Variants in PHLDB2 observed in about 807,000 individuals in gnomAD.
PHLDB2 encodes the protein pleckstrin homology-like domain family B member 2.
In PHLDB2, 71 loss-of-function variants were observed where a neutral mutation model predicts 123.6. The observed-to-expected ratio is 0.57, with a 90% CI of 0.47 to 0.70. The LOEUF (loss-of-function observed/expected upper bound fraction) is 0.70. Ranked by LOEUF, PHLDB2 falls within the 30% of genes least tolerant of loss-of-function variation. PHLDB2 has a pLI of 0.00. For synonymous variants in PHLDB2, 547 were observed against 541.6 expected (o/e 1.01, Z -0.14); for missense variants, 1,446 against 1,519.5 (o/e 0.95, Z 0.80).
chr3:111,837,186 G>A (rs114967053), intron 1 of PHLDB2, among the ~76,000 whole-genome samples: 1,772 of 152,270 alleles, frequency 0.012, 23 homozygotes, highest in Non-Finnish European at 0.013. Flanking sequence ...CATAGAGTAA[G>A]AAATCAGTGC....
At chr3:111,918,902 A>C (rs1267483685) in intron 3 of PHLDB2, among the ~76,000 whole-genome samples, 170 bp from the exon 4 acceptor site, 3 of 152,240 alleles carry the variant, frequency 2.0e-5, no homozygotes, top group African/African-American at 7.2e-5. Flanking sequence ...GGATGGCATC[A>C]TGTGGGAAAA....
chr3:111,732,760 ATACAGCCTCGT>A (rs1278181391), intron 1 of PHLDB2: 2 of 1,393,034 alleles, frequency 1.4e-6, no homozygotes, highest in Non-Finnish European at 9.8e-7. Flanking sequence ...TGAGCAGCAT[ATACAGCCTCGT>A]CACCAGAGTG....
chr3:111,788,687 C>T (rs1246411477), intron 1 of PHLDB2, among the ~76,000 whole-genome samples: 1 of 152,224 alleles, frequency 6.6e-6, no homozygotes, highest in Non-Finnish European at 1.5e-5. Context: ...AGGCCCAGGA[C>T]AGCTTTGAAA....
intron 1 of PHLDB2, among the ~76,000 whole-genome samples, chr3:111,733,764 T>C (rs1397247188): frequency 6.6e-6 from 1 of 152,370 alleles, no homozygotes. Context: ...TCTAATATGA[T>C]TCACTCTTCC....
chr3:111,903,443 G>A (rs1430126975), intron 2 of PHLDB2, among the ~76,000 whole-genome samples: 1 of 152,196 alleles, frequency 6.6e-6, no homozygotes, highest in African/African-American at 2.4e-5. Flanking sequence ...AGGGGCAGAG[G>A]CAGGTGGACC....
Position 111,757,087 on chromosome 3 carries a change from T to TC in PHLDB2, c.-49+24386dup, listed in dbSNP as rs541650753. On this transcript the variant is annotated intron_variant, in intron 1 of 17. Transcript: ENST00000393923. ...CTCTCTGGCTGCCCTTAACATTTTT[T>TC]CCTTCATTTCAACTTTGGTGAATCT... Among the ~76,000 whole-genome samples the TC allele has an allele frequency of 8.0e-3, 1,221 of 152,340 alleles. 7 individuals carry two copies. The highest frequency in any genetic ancestry group is 0.012 in the South Asian group (57 of 4,828).
At chr3:111,964,498 C>A (rs1048095850) in intron 13 of PHLDB2, among the ~76,000 whole-genome samples, 1 of 148,952 alleles carries the variant, frequency 6.7e-6, no homozygotes, top group African/African-American at 2.5e-5. Context: ...CACCACTACA[C>A]CTGGCTAATT....
chr3:111,806,168 A>G (rs1303921767), intron 1 of PHLDB2, among the ~76,000 whole-genome samples: 1 of 152,182 alleles, frequency 6.6e-6, no homozygotes, highest in Non-Finnish European at 1.5e-5. Context: ...TAACAGCCTT[A>G]TTGAGGAATA....
intron 3 of PHLDB2, among the ~76,000 whole-genome samples, chr3:111,918,268 T>G (rs2068293403): frequency 6.6e-6 from 1 of 152,234 alleles, no homozygotes. Context: ...AACTATGCAC[T>G]CTCTCACTTG....
At position 111,885,195 on chromosome 3, in the gene PHLDB2, C is replaced by G; in HGVS notation, c.1118C>G (p.Ser373Ter). ...NPSHSLLAGE[S>*]DRVFATRRNF... ...AGTCATTCACTTCTTGCTGGAGAGT[C>G]AGACAGAGTTTTTGCGACCAGGAGG... Residue 373 changes from serine (S) to a stop codon, truncating the protein, a stop_gained, in exon 2 of 18, where the codon TCA becomes TGA. Transcript: ENST00000431670. LOFTEE classifies it high-confidence loss of function. 1 of 1,614,094 alleles carries G rather than the reference C, an allele frequency of 6.2e-7. No homozygotes were observed. The highest frequency in any genetic ancestry group is 8.5e-7 in the Non-Finnish European group (1 of 1,180,000).
chr3:111,743,689 G>C (rs1483710626), intron 1 of PHLDB2, among the ~76,000 whole-genome samples: 1 of 152,166 alleles, frequency 6.6e-6, no homozygotes, highest in African/African-American at 2.4e-5. Context: ...CAGAATATAA[G>C]TCAGAAGGGT....
chr3:111,933,823 A>G (rs958338742), intron 6 of PHLDB2, among the ~76,000 whole-genome samples: 5 of 152,208 alleles, frequency 3.3e-5, no homozygotes, highest in African/African-American at 1.2e-4. Flanking sequence ...CCTTATCACT[A>G]AAGATTTTAC....
At chr3:111,806,626 T>A (rs111911956) in intron 1 of PHLDB2, among the ~76,000 whole-genome samples, 1 of 151,816 alleles carries the variant, frequency 6.6e-6, no homozygotes, top group Admixed American at 6.6e-5. Context: ...ACTGGGACTA[T>A]AGGCACGAGC....
rs988825892 is a variant in PHLDB2, at chr3:111,913,453, TGAG to T, written c.1474_1476del (p.Glu492del). 4 of 1,614,158 alleles carry T rather than the reference TGAG, an allele frequency of 2.5e-6. No individual in the cohort carries two copies. Among genetic ancestry groups the T allele is most frequent in the Middle Eastern group, 1.6e-4 (1 of 6,062 alleles). ...AGCTTGAGAAGCTGCAGCTCTCTGATGAGGAGTCTGTGTTTGAGGAAGCCCTCA... is the reference window on the plus strand; with the variant it reads ...AGCTTGAGAAGCTGCAGCTCTCTGATGAGTCTGTGTTTGAGGAAGCCCTCA... On this transcript the variant is annotated inframe_deletion, in exon 3 of 18. Coordinates refer to ENST00000431670, the MANE Select transcript of PHLDB2 (RefSeq NM_001134438.2).
intron 2 of PHLDB2, among the ~76,000 whole-genome samples, chr3:111,905,350 T>C (rs1271899363): frequency 6.6e-6 from 1 of 152,048 alleles, no homozygotes; most frequent in Non-Finnish European, 1.5e-5. Flanking sequence ...TTTTGTTTTT[T>C]TAAGTCATTT....
At chr3:111,812,202 A>G (rs1345954217) in intron 1 of PHLDB2, among the ~76,000 whole-genome samples, 1 of 152,180 alleles carries the variant, frequency 6.6e-6, no homozygotes, top group Non-Finnish European at 1.5e-5. Context: ...GTTCCCAGTC[A>G]TTTAGAACAT....
intron 4 of PHLDB2, among the ~76,000 whole-genome samples, chr3:111,919,606 C>T (rs2068375198): frequency 6.6e-6 from 1 of 152,154 alleles, no homozygotes; most frequent in South Asian, 2.1e-4. Flanking sequence ...CACATTGGCA[C>T]CATGATGAAA....
chr3:111,805,030 A>C (rs1272828949), intron 1 of PHLDB2, among the ~76,000 whole-genome samples: 3 of 149,486 alleles, frequency 2.0e-5, no homozygotes, highest in Non-Finnish European at 4.4e-5. Flanking sequence ...AGAATGTAGA[A>C]TTTGAAAGTG....
intron 1 of PHLDB2, among the ~76,000 whole-genome samples, chr3:111,880,731 C>G (rs2107313128): frequency 6.6e-6 from 1 of 151,386 alleles, no homozygotes; most frequent in Admixed American, 6.6e-5. Flanking sequence ...AAAACCTGTT[C>G]ATCCAAGTGC....
Sources: gnomAD v4.1 joint callset for allele counts (sites outside exome capture counted in the v4.1 genomes callset) on GRCh38, gnomAD v4.1.1 for gene constraint, MANE v1.5 for transcripts, NCBI Gene and HGNC (gene_info 2026-07-23, HGNC 2026-07-21) for gene names.